The following DENND1A variants were observed in gnomAD, a reference collection of about 807,000 sequenced individuals.
DENND1A encodes DENN domain-containing protein 1A.
Under a neutral mutation model 113.7 loss-of-function variants are expected in DENND1A, and 51 were observed. The observed-to-expected ratio is 0.45, with a 90% CI of 0.36 to 0.57. The LOEUF (loss-of-function observed/expected upper bound fraction) is 0.57, where lower values mean the gene tolerates loss of function less well. DENND1A is among the 20% of genes least tolerant of loss of function. DENND1A has a pLI of 0.00. For synonymous variants in DENND1A, 565 were observed against 570.8 expected (o/e 0.99, Z 0.14); for missense variants, 1,258 against 1,395.9 (o/e 0.90, Z 1.57).
chr9:123,658,780 GA>G (rs912884923), intron 8 of DENND1A, among the ~76,000 whole-genome samples: 4 of 151,706 alleles, frequency 2.6e-5, no homozygotes, highest in African/African-American at 9.7e-5. Context: ...GTGCTACTGT[GA>G]AAAAAAATAC....
chr9:123,550,020 T>C (rs1461630477), intron 13 of DENND1A, among the ~76,000 whole-genome samples: 1 of 152,228 alleles, frequency 6.6e-6, no homozygotes, highest in East Asian at 1.9e-4. Flanking sequence ...GTGGTGTTTT[T>C]CCAACCTGCT....
rs546738371 is a variant in DENND1A, at chr9:123,398,826, G to A, written c.1631+4576C>T. Among the ~76,000 whole-genome samples the A allele has an allele frequency of 1.3e-3, 181 of 144,166 alleles. 1 individual carries two copies. Among genetic ancestry groups the A allele is most frequent in the South Asian group, 4.0e-3 (18 of 4,522 alleles). 94.6% of individuals were successfully genotyped at this position (144,166 alleles called of 152,430 possible). A position where few individuals can be genotyped will look rare whatever the true frequency, so the allele number is the denominator to read the frequency against. On this transcript the variant is annotated intron_variant, in intron 21 of 23. Coordinates refer to ENST00000394215, the MANE Select transcript of DENND1A (RefSeq NM_001352964.2). ...TTTTTTTTTTTGGAGACAGAGTCTC[G>A]TTCTGTTACTCAGGCTGGAGTGCAA...
chr9:123,883,626 T>A (rs909610231), intron 1 of DENND1A, among the ~76,000 whole-genome samples: 1 of 152,130 alleles, frequency 6.6e-6, no homozygotes, highest in Non-Finnish European at 1.5e-5. Flanking sequence ...AGAATATACA[T>A]CATAAACATA....
intron 4 of DENND1A, among the ~76,000 whole-genome samples, chr9:123,767,058 T>C (rs1828939153): frequency 6.6e-6 from 1 of 152,176 alleles, no homozygotes; most frequent in Admixed American, 6.5e-5. Flanking sequence ...AGTCAAACAA[T>C]ATCATAAACC....
intron 7 of DENND1A, among the ~76,000 whole-genome samples, chr9:123,670,018 C>T (rs935067384): frequency 8.5e-5 from 13 of 152,152 alleles, no homozygotes; most frequent in Admixed American, 7.2e-4. Flanking sequence ...CCTCTTGAAA[C>T]CTCATCCATG....
intron 13 of DENND1A, among the ~76,000 whole-genome samples, chr9:123,469,664 G>C (rs1385460696): frequency 1.3e-5 from 2 of 152,262 alleles, no homozygotes; most frequent in African/African-American, 4.8e-5. Flanking sequence ...AAGAAATGCA[G>C]ATGGGAATCG....
intron 13 of DENND1A, among the ~76,000 whole-genome samples, chr9:123,514,401 G>A (rs2053722997): frequency 6.6e-6 from 1 of 152,008 alleles, no homozygotes; most frequent in South Asian, 2.1e-4. Flanking sequence ...GGATCTAGAA[G>A]AATCCATGTG....
chr9:123,807,189 T>C (rs567358502), intron 2 of DENND1A, among the ~76,000 whole-genome samples: 1 of 152,366 alleles, frequency 6.6e-6, no homozygotes, highest in African/African-American at 2.4e-5. Context: ...ATGAGTGAGT[T>C]GTAGGATTAT....
chr9:123,570,356 G>A (rs1456326427), intron 12 of DENND1A, among the ~76,000 whole-genome samples: 2 of 152,218 alleles, frequency 1.3e-5, no homozygotes, highest in East Asian at 1.9e-4. Flanking sequence ...AATGGCAAGA[G>A]ATGAGGTAGG....
At chr9:123,470,667 A>G (rs561182415) in intron 13 of DENND1A, among the ~76,000 whole-genome samples, 13 of 152,174 alleles carry the variant, frequency 8.5e-5, no homozygotes, top group Non-Finnish European at 1.9e-4. Context: ...AAAACAGAAG[A>G]GGCACAAATT....
chr9:123,677,776 T>G (rs1282457634), intron 5 of DENND1A, among the ~76,000 whole-genome samples: 1 of 152,164 alleles, frequency 6.6e-6, no homozygotes, highest in Non-Finnish European at 1.5e-5. Flanking sequence ...CATCGCACAT[T>G]GTACTTAATT....
intron 1 of DENND1A, among the ~76,000 whole-genome samples, chr9:123,916,297 G>A (rs749026986): frequency 7.9e-5 from 12 of 150,954 alleles, no homozygotes; most frequent in Admixed American, 3.3e-4. Flanking sequence ...GTTAAGGGGC[G>A]AAAAGTATAC....
In DENND1A at chr9:123,381,077, G is replaced by C; in HGVS notation, c.*355C>G. On this transcript the variant is annotated 3_prime_UTR_variant, in exon 24 of 24. Transcript: ENST00000394215. The surrounding 1 kb of genome is among the most constrained non-coding windows in gnomAD (Gnocchi z 4.7). ...AGCTGGGCTCGGAGGGGAGGCCTTCGGAGCCTCTTGGGACACTTCCGGGGG... is the reference window on the plus strand; with the variant it reads ...AGCTGGGCTCGGAGGGGAGGCCTTCCGAGCCTCTTGGGACACTTCCGGGGG... 1 of 247,218 alleles carries C rather than the reference G, an allele frequency of 4.0e-6. No homozygotes were observed. The highest frequency in any genetic ancestry group is 5.7e-5 in the South Asian group (1 of 17,506). 15.3% of individuals were successfully genotyped at this position (247,218 alleles called of 1,614,324 possible).
At chr9:123,656,313 CT>C (rs2139557331) in intron 8 of DENND1A, among the ~76,000 whole-genome samples, 1 of 152,168 alleles carries the variant, frequency 6.6e-6, no homozygotes, top group South Asian at 2.1e-4. Flanking sequence ...TGACATGACC[CT>C]ATTTGTGTTT....
chr9:123,690,675 T>C (rs1009368731), intron 5 of DENND1A, among the ~76,000 whole-genome samples: 2 of 151,260 alleles, frequency 1.3e-5, no homozygotes, highest in Non-Finnish European at 3.0e-5. Context: ...CCCCCCTCCT[T>C]TTCTTTCTTT....
chr9:123,706,190 C>T (rs2066188668), intron 5 of DENND1A, among the ~76,000 whole-genome samples: 1 of 148,218 alleles, frequency 6.7e-6, no homozygotes, highest in Non-Finnish European at 1.5e-5. Context: ...GTAGCCCAGG[C>T]CGGACTGCGG....
intron 13 of DENND1A, among the ~76,000 whole-genome samples, chr9:123,487,657 C>T (rs1351074083): frequency 6.6e-6 from 1 of 152,130 alleles, no homozygotes; most frequent in Non-Finnish European, 1.5e-5. Context: ...CTACCATTTT[C>T]CCAGTCTGGA....
At chr9:123,922,754 T>A (rs1856480762) in intron 1 of DENND1A, among the ~76,000 whole-genome samples, 1 of 152,224 alleles carries the variant, frequency 6.6e-6, no homozygotes, top group Non-Finnish European at 1.5e-5. Flanking sequence ...GCCCTTGCCC[T>A]CAACAGTTAC....
chr9:123,692,679 G>A (rs1042526957), intron 5 of DENND1A, among the ~76,000 whole-genome samples: 2 of 152,152 alleles, frequency 1.3e-5, no homozygotes, highest in African/African-American at 4.8e-5. Context: ...AGATAGCAAA[G>A]CTAATAAGAT....
Sources: allele counts gnomAD v4.1 joint callset (sites outside exome capture counted in the v4.1 genomes callset), GRCh38; gene constraint gnomAD v4.1.1; non-coding constraint Gnocchi (gnomAD v3.1); transcripts MANE v1.5; gene names NCBI Gene and HGNC (gene_info 2026-07-23, HGNC 2026-07-21).